Variants in CDK8 observed in about 807,000 individuals in gnomAD.
CDK8 encodes cyclin-dependent kinase 8.
CDK8 carries 29 observed loss-of-function variants against 71.5 expected under a neutral mutation model. That is an observed-to-expected ratio of 0.41 (90% CI 0.30 to 0.55). The LOEUF (loss-of-function observed/expected upper bound fraction) is 0.55, where lower values mean the gene tolerates loss of function less well. Ranked by LOEUF, CDK8 falls within the 20% of genes least tolerant of loss-of-function variation. CDK8 has a pLI of 0.37. For synonymous variants in CDK8, 161 were observed against 192.1 expected, an observed-to-expected ratio of 0.84 and a Z score of 1.34; for missense variants, 288 against 572.6, an observed-to-expected ratio of 0.50 and a Z score of 5.07.
intron 1 of CDK8, among the ~76,000 whole-genome samples, chr13:26,329,175 G>A (rs1281319906): frequency 6.6e-6 from 1 of 152,090 alleles, no homozygotes; most frequent in Non-Finnish European, 1.5e-5. Context: ...TAGAGTTTTA[G>A]GAAGCAGTGT....
intron 1 of CDK8, among the ~76,000 whole-genome samples, chr13:26,331,579 C>T (rs1204070471): frequency 6.6e-6 from 1 of 152,136 alleles, no homozygotes; most frequent in Non-Finnish European, 1.5e-5. Flanking sequence ...GTCCTTTTCC[C>T]TGATACAAGT....
chr13:26,363,428 A>G (rs1160267415), intron 4 of CDK8, among the ~76,000 whole-genome samples: 1 of 151,944 alleles, frequency 6.6e-6, no homozygotes, highest in African/African-American at 2.4e-5. Flanking sequence ...TTTTAATGTC[A>G]TAGTAAAACT....
chr13:26,265,037 A>T (rs550949703), intron 1 of CDK8, among the ~76,000 whole-genome samples: 2 of 152,350 alleles, frequency 1.3e-5, no homozygotes, highest in African/African-American at 4.8e-5. Flanking sequence ...TGCCATAAAC[A>T]TGCGAGTGTA....
chr13:26,332,503 A>AT (rs10673133), intron 1 of CDK8, among the ~76,000 whole-genome samples: 1 of 150,174 alleles, frequency 6.7e-6, no homozygotes, highest in African/African-American at 2.4e-5. Flanking sequence ...ATATATATAT[A>AT]AAATCATATC....
chr13:26,335,482 G>C (rs1322753139), intron 1 of CDK8, among the ~76,000 whole-genome samples: 1 of 151,982 alleles, frequency 6.6e-6, no homozygotes, highest in African/African-American at 2.4e-5. Context: ...TGTGTCTTCA[G>C]CTTGCTCTTG....
chr13:26,266,416 A>G (rs1872019553), intron 1 of CDK8, among the ~76,000 whole-genome samples: 1 of 152,124 alleles, frequency 6.6e-6, no homozygotes, highest in Non-Finnish European at 1.5e-5. Flanking sequence ...TTGAGTCTAG[A>G]AAGGAGAAAA....
intron 1 of CDK8, among the ~76,000 whole-genome samples, chr13:26,333,064 G>A (rs916122944): frequency 6.6e-6 from 1 of 152,146 alleles, no homozygotes; most frequent in Non-Finnish European, 1.5e-5. Context: ...CCTCAAGGGA[G>A]AAAAGGTATT....
At chr13:26,289,676 G>C (rs754717185) in intron 1 of CDK8, among the ~76,000 whole-genome samples, 4 of 151,612 alleles carry the variant, frequency 2.6e-5, no homozygotes, top group Non-Finnish European at 4.4e-5. Context: ...TCAGCCTCCC[G>C]AGTAGCTGGG....
At chr13:26,347,247 C>T (rs1873496812) in intron 2 of CDK8, among the ~76,000 whole-genome samples, 1 of 152,084 alleles carries the variant, frequency 6.6e-6, no homozygotes, top group Non-Finnish European at 1.5e-5. Context: ...CTCCTGGATG[C>T]TTCTCTCTAC....
chr13:26,306,896 T>C (rs1874070960), intron 1 of CDK8, among the ~76,000 whole-genome samples: 1 of 152,190 alleles, frequency 6.6e-6, no homozygotes, highest in Admixed American at 6.5e-5. Flanking sequence ...CCCAAAGTGC[T>C]GGGATTACAG....
chr13:26,337,672 T>C, intron 2 of CDK8, 30 bp downstream of exon 2: 1 of 1,102,266 alleles, frequency 9.1e-7, no homozygotes, highest in South Asian at 2.2e-5. Context: ...TCATCGTTAT[T>C]ATCAACTGAC....
chr13:26,264,860 A>G (rs1871953827), intron 1 of CDK8, among the ~76,000 whole-genome samples: 2 of 152,316 alleles, frequency 1.3e-5, no homozygotes, highest in South Asian at 4.1e-4. Context: ...TATTTCACTT[A>G]ACATAAGGAT....
rs745585231 is a variant in CDK8 at position 26,353,731 on chromosome 13, T to G, written c.316-9T>G. On this transcript the variant is annotated splice_polypyrimidine_tract_variant and intron_variant, in intron 3 of 12. Transcript: ENST00000381527. ...TAAGCTTCTGTTGATATTTTTTTCT[T>G]TCTTTCAGCATATAATCAAGTTTCA... 1.9e-6 allele frequency: 3 copies of G among 1,594,338 alleles called. No homozygotes were observed. Among genetic ancestry groups the G allele is most frequent in the Non-Finnish European group, 2.6e-6 (3 of 1,169,924 alleles).
chr13:26,302,681 T>C (rs1353082547), intron 1 of CDK8, among the ~76,000 whole-genome samples: 1 of 152,212 alleles, frequency 6.6e-6, no homozygotes, highest in Non-Finnish European at 1.5e-5. Context: ...ATAAGATAGA[T>C]CATTGTTATA....
intron 1 of CDK8, among the ~76,000 whole-genome samples, chr13:26,296,675 C>A (rs947116110): frequency 1.3e-5 from 2 of 152,084 alleles, no homozygotes; most frequent in East Asian, 1.9e-4. Context: ...AGGTAAAATA[C>A]CCCTATTGGT....
intron 12 of CDK8, among the ~76,000 whole-genome samples, chr13:26,402,360 G>A (rs1470994991): frequency 6.6e-6 from 1 of 152,076 alleles, no homozygotes; most frequent in African/African-American, 2.4e-5. Context: ...TTTGAAAATT[G>A]TATACCACCT....
intron 1 of CDK8, among the ~76,000 whole-genome samples, chr13:26,304,719 C>T (rs1296489702): frequency 6.6e-6 from 1 of 152,092 alleles, no homozygotes; most frequent in African/African-American, 2.4e-5. Context: ...TCACTGTAAA[C>T]TTGAAATCCT....
chr13:26,292,436 C>G (rs1332127316), intron 1 of CDK8, among the ~76,000 whole-genome samples: 1 of 152,168 alleles, frequency 6.6e-6, no homozygotes, highest in Non-Finnish European at 1.5e-5. Context: ...TGTAAGATGG[C>G]TTACCATCAC....
chr13:26,382,281 G>A (rs1037931006), intron 4 of CDK8, among the ~76,000 whole-genome samples: 1 of 152,070 alleles, frequency 6.6e-6, no homozygotes, highest in Non-Finnish European at 1.5e-5. Flanking sequence ...TCTTAAAACT[G>A]TTCCTGTCAT....
Sources: allele counts gnomAD v4.1 joint callset (sites outside exome capture counted in the v4.1 genomes callset), GRCh38; gene constraint gnomAD v4.1.1; transcripts MANE v1.5; gene names NCBI Gene and HGNC (gene_info 2026-07-23, HGNC 2026-07-21).